The following DOK5 variants were observed in gnomAD, a reference collection of about 807,000 sequenced individuals.
The protein encoded by DOK5 is docking protein 5, also known as downstream of tyrosine kinase 5.
A neutral mutation model predicts 43.3 loss-of-function variants in DOK5; 27 were observed. The ratio of observed to expected loss-of-function variants is 0.62; its 90% CI spans 0.46 to 0.86. DOK5 has a LOEUF of 0.86. Among genes scored for constraint, DOK5 ranks in the 40% least tolerant of loss-of-function variants. The pLI is 0.00. For missense variants in DOK5, 373 were observed against 392.9 expected, an observed-to-expected ratio of 0.95 and a Z score of 0.43; for synonymous variants, 146 against 140.1, an observed-to-expected ratio of 1.04 and a Z score of -0.30.
intron 1 of DOK5, among the ~76,000 whole-genome samples, chr20:54,500,109 T>C (rs1409862184): frequency 2.6e-5 from 4 of 152,124 alleles, no homozygotes; most frequent in African/African-American, 9.7e-5. Flanking sequence ...AGTTGCTAAA[T>C]GAAAAAGTTA....
intron 7 of DOK5, among the ~76,000 whole-genome samples, chr20:54,644,435 T>C (rs1979274300): frequency 6.6e-6 from 1 of 152,068 alleles, no homozygotes; most frequent in South Asian, 2.1e-4. Context: ...CCGGGCGCAG[T>C]GGCTCACGCC....
chr20:54,561,880 C>T (rs1984919426), intron 2 of DOK5, among the ~76,000 whole-genome samples: 1 of 152,198 alleles, frequency 6.6e-6, no homozygotes, highest in Admixed American at 6.5e-5. Context: ...TGGTCTCGAA[C>T]TCCCGACCTC....
At chr20:54,601,497 T>A (rs1986296513) in intron 5 of DOK5, among the ~76,000 whole-genome samples, 1 of 152,278 alleles carries the variant, frequency 6.6e-6, no homozygotes, top group Non-Finnish European at 1.5e-5. Flanking sequence ...CTGTCTGTTA[T>A]ACTAGCTTTG....
At chr20:54,567,768 G>A (rs1254231616) in intron 2 of DOK5, among the ~76,000 whole-genome samples, 3 of 152,018 alleles carry the variant, frequency 2.0e-5, no homozygotes, top group African/African-American at 7.2e-5. Context: ...AGCAAATTGT[G>A]GGAGAACCGA....
At chr20:54,640,808 T>C (rs774830848) in intron 6 of DOK5, among the ~76,000 whole-genome samples, 1 of 152,258 alleles carries the variant, frequency 6.6e-6, no homozygotes, top group Non-Finnish European at 1.5e-5. Flanking sequence ...AATCTCTTTA[T>C]ATCAAGAAAA....
chr20:54,563,108 C>A (rs531978289), intron 2 of DOK5, among the ~76,000 whole-genome samples: 1 of 152,292 alleles, frequency 6.6e-6, no homozygotes, highest in South Asian at 2.1e-4. Context: ...CGGCAGCCAC[C>A]AGACCGTAGG....
chr20:54,551,996 T>C (rs1984546663), intron 1 of DOK5, among the ~76,000 whole-genome samples: 1 of 152,056 alleles, frequency 6.6e-6, no homozygotes, highest in African/African-American at 2.4e-5. Flanking sequence ...CCCAGCTAAT[T>C]TTTATATTTT....
chr20:54,578,799 T>A (rs896460683), intron 2 of DOK5, among the ~76,000 whole-genome samples: 3 of 152,200 alleles, frequency 2.0e-5, no homozygotes, highest in Non-Finnish European at 4.4e-5. Flanking sequence ...GAGCTTGAAA[T>A]GCTTTATTTT....
intron 7 of DOK5, among the ~76,000 whole-genome samples, chr20:54,649,832 T>C (rs1979614926): frequency 6.6e-6 from 1 of 152,198 alleles, no homozygotes; most frequent in Non-Finnish European, 1.5e-5. Context: ...TGAGACCATA[T>C]GGTCTGCAAA....
intron 1 of DOK5, among the ~76,000 whole-genome samples, chr20:54,483,892 G>T (rs1372961416): frequency 6.6e-6 from 1 of 152,182 alleles, no homozygotes; most frequent in Non-Finnish European, 1.5e-5. Flanking sequence ...CTCTGTTTAT[G>T]CCCTGGATCC....
intron 1 of DOK5, among the ~76,000 whole-genome samples, chr20:54,504,505 C>G (rs1337212152): frequency 3.9e-5 from 6 of 152,192 alleles, no homozygotes; most frequent in Non-Finnish European, 8.8e-5. Context: ...TTGACTCACT[C>G]AGAAGGACTG....
chr20:54,513,478 A>C (rs545680830), intron 1 of DOK5, among the ~76,000 whole-genome samples: 10 of 150,852 alleles, frequency 6.6e-5, no homozygotes, highest in East Asian at 3.9e-4. Context: ...AAAAAAAAAA[A>C]AAAAAAAAAA....
chr20:54,563,528 A>G (rs16999784), intron 2 of DOK5, among the ~76,000 whole-genome samples: 5,435 of 152,228 alleles, frequency 0.036, 334 homozygotes, highest in African/African-American at 0.12. Context: ...CTGTATGTGG[A>G]ACATTCAATA....
intron 1 of DOK5, among the ~76,000 whole-genome samples, chr20:54,525,651 A>C (rs1693489683): frequency 2.0e-5 from 3 of 152,204 alleles, no homozygotes; most frequent in Admixed American, 2.0e-4. Context: ...ATTAGCTGGG[A>C]GAGTTAAATA....
chr20:54,631,976 C>A (rs6023433), intron 6 of DOK5, among the ~76,000 whole-genome samples: 4,744 of 152,168 alleles, frequency 0.031, 258 homozygotes, highest in African/African-American at 0.11. Flanking sequence ...GTCTCAAAAA[C>A]AAAACAAAAC....
At chr20:54,623,397 G>A (rs187898685) in intron 6 of DOK5, among the ~76,000 whole-genome samples, 2 of 152,182 alleles carry the variant, frequency 1.3e-5, no homozygotes, top group African/African-American at 2.4e-5. Context: ...GTTGAATATC[G>A]CTTATGAGCT....
At chr20:54,558,309 A>C (rs957457474) in intron 2 of DOK5, among the ~76,000 whole-genome samples, 5 of 152,218 alleles carry the variant, frequency 3.3e-5, no homozygotes, top group Admixed American at 3.3e-4. Context: ...TCAGACTTCT[A>C]CCTGCTGGCT....
At chr20:54,525,912 C>T (rs542488257) in intron 1 of DOK5, among the ~76,000 whole-genome samples, 1 of 152,288 alleles carries the variant, frequency 6.6e-6, no homozygotes, top group South Asian at 2.1e-4. Context: ...CCTACAGATT[C>T]GGGGCCAAAC....
At chr20:54,479,098 C>CAGG (rs1981557843) in intron 1 of DOK5, among the ~76,000 whole-genome samples, 1 of 151,956 alleles carries the variant, frequency 6.6e-6, no homozygotes. Flanking sequence ...TTTAACAGGA[C>CAGG]AGGAAACATT....
Sources: gnomAD v4.1 joint callset for allele counts (sites outside exome capture counted in the v4.1 genomes callset) on GRCh38, gnomAD v4.1.1 for gene constraint, MANE v1.5 for transcripts, NCBI Gene and HGNC (gene_info 2026-07-23, HGNC 2026-07-21) for gene names.